DIP2B: variants seen among roughly 807,000 people sequenced by gnomAD.
DIP2B encodes disco-interacting protein 2 homolog B.
In DIP2B, 76 loss-of-function variants were observed where a neutral mutation model predicts 198.0. That is an observed-to-expected ratio of 0.38 (90% CI 0.32 to 0.46). The LOEUF (loss-of-function observed/expected upper bound fraction) is 0.46, where lower values mean the gene tolerates loss of function less well. Ranked by LOEUF, DIP2B falls within the 20% of genes least tolerant of loss-of-function variation. The probability of loss-of-function intolerance (pLI) is 0.99; values close to 1 mark genes in which losing one functional copy is unlikely to be tolerated. For missense variants in DIP2B, 1,559 were observed against 1,978.4 expected (o/e 0.79, Z 4.02); for synonymous variants, 701 against 739.1 (o/e 0.95, Z 0.84).
intron 1 of DIP2B, among the ~76,000 whole-genome samples, chr12:50,537,067 T>A (rs971499895): frequency 2.0e-4 from 30 of 149,896 alleles, no homozygotes; most frequent in African/African-American, 6.3e-4. Context: ...TTTTTTTTTT[T>A]AATTTTTTTG....
intron 4 of DIP2B, among the ~76,000 whole-genome samples, chr12:50,663,943 C>T (rs1938702072): frequency 6.6e-6 from 1 of 150,736 alleles, no homozygotes; most frequent in South Asian, 2.1e-4. Context: ...AGCCTAATAG[C>T]CTAATATTTT....
At chr12:50,619,131 T>G (rs548016138) in intron 1 of DIP2B, among the ~76,000 whole-genome samples, 1 of 152,294 alleles carries the variant, frequency 6.6e-6, no homozygotes, top group East Asian at 1.9e-4. Flanking sequence ...GCAGAAAGTT[T>G]ATGGCTGCAG....
intron 1 of DIP2B, among the ~76,000 whole-genome samples, chr12:50,592,476 TTTTC>T (rs1958828360): frequency 6.6e-6 from 1 of 152,010 alleles, no homozygotes; most frequent in African/African-American, 2.4e-5. Context: ...AGATTATTTA[TTTTC>T]TTTCTTCTTT....
intron 1 of DIP2B, among the ~76,000 whole-genome samples, chr12:50,623,527 A>ACG (rs1161585638): frequency 2.2e-4 from 28 of 128,530 alleles, no homozygotes; most frequent in Middle Eastern, 3.9e-3. Flanking sequence ...ACACACACAC[A>ACG]CGCACACACA....
At chr12:50,640,470 TG>T (rs1236998920) in intron 2 of DIP2B, among the ~76,000 whole-genome samples, 3 of 152,224 alleles carry the variant, frequency 2.0e-5, no homozygotes, top group Non-Finnish European at 2.9e-5. Flanking sequence ...GTCTCTGGAA[TG>T]GCCTTTTAAT....
At chr12:50,505,811 A>G (rs1957963525) in intron 1 of DIP2B, among the ~76,000 whole-genome samples, 2 of 152,126 alleles carry the variant, frequency 1.3e-5, no homozygotes. Flanking sequence ...CAATGGCATT[A>G]ACCCAGAGAG....
At position 50,726,807 on chromosome 12, in the gene DIP2B, C is replaced by T. The variant is rs80131778; in HGVS notation, c.3401-896C>T. ...TGAGTCACTGCACCCAGATAGATTA[C>T]TATTCTTAAAATTCTGCCAGGTTAG... On this transcript the variant is annotated intron_variant, in intron 28 of 37. Transcript: ENST00000301180. Among the ~76,000 whole-genome samples, 163 of 152,102 alleles carry T rather than the reference C, an allele frequency of 1.1e-3. 3 individuals carry two copies. In the East Asian group the frequency reaches 0.029, roughly 27 times the overall value.
rs972085813 is a variant in DIP2B at position 50,678,796 on chromosome 12, G to T, written c.1034G>T (p.Arg345Leu). Residue 345 changes from arginine (R) to leucine (L), a missense_variant, in exon 8 of 38, where the codon CGC (arginine) becomes CTC (leucine). Arg to Leu is a moderately radical substitution (Grantham distance 102, BLOSUM62 -2). Coordinates refer to ENST00000301180, the MANE Select transcript of DIP2B (RefSeq NM_173602.3). ...WPPALESALQ[R>L]WGTTQAKCSC... is the part of the protein sequence containing the mutation. ...CCTGCTCTTGAATCTGCCCTGCAGC[G>T]CTGGGGTACCACTCAAGCAAAATGC... is the stretch of plus-strand genomic sequence containing the variant. 6.2e-7 allele frequency: 1 copy of T among 1,614,180 alleles called. No individual in the cohort carries two copies. The highest frequency in any genetic ancestry group is 8.5e-7 in the Non-Finnish European group (1 of 1,180,030).
intron 14 of DIP2B, 99 bp from the exon 15 acceptor site, chr12:50,695,168 A>T: frequency 1.1e-6 from 1 of 891,976 alleles, no homozygotes; most frequent in Non-Finnish European, 1.8e-6. Flanking sequence ...TTTGAGTATT[A>T]CTTGTATAAT....
At chr12:50,701,987 G>A (rs1381785859) in intron 19 of DIP2B, among the ~76,000 whole-genome samples, 1 of 151,964 alleles carries the variant, frequency 6.6e-6, no homozygotes, top group African/African-American at 2.4e-5. Flanking sequence ...GATGAGGCTG[G>A]GAGCAGTTGC....
At chr12:50,663,827 T>G (rs188749629) in intron 4 of DIP2B, among the ~76,000 whole-genome samples, 1 of 128,852 alleles carries the variant, frequency 7.8e-6, no homozygotes, top group East Asian at 2.3e-4. Flanking sequence ...CCGAGATCAA[T>G]CAACCGTACT....
intron 1 of DIP2B, among the ~76,000 whole-genome samples, chr12:50,615,814 A>G (rs1338306050): frequency 6.6e-6 from 1 of 152,192 alleles, no homozygotes; most frequent in Non-Finnish European, 1.5e-5. Flanking sequence ...TCAAGAAGCA[A>G]GTAAAACAGC....
At chr12:50,617,534 G>A (rs1446082424) in intron 1 of DIP2B, among the ~76,000 whole-genome samples, 3 of 151,844 alleles carry the variant, frequency 2.0e-5, no homozygotes, top group African/African-American at 7.3e-5. Flanking sequence ...AGGGGTCAGG[G>A]GCAGTGGCTC....
rs373640660 is a variant in DIP2B, at chr12:50,705,236, AG to A, written c.2406+1017del. On this transcript the variant is annotated intron_variant, in intron 20 of 37. Transcript: ENST00000301180. ...GTCTTCTTTTCCACTTAACATCTTC[AG>A]TCATATAAGAGATCTAATTTTATTT... Among the ~76,000 whole-genome samples the A allele has an allele frequency of 1.8e-3, 268 of 152,302 alleles. 1 individual carries two copies. The highest frequency in any genetic ancestry group is 3.2e-3 in the Non-Finnish European group (221 of 68,024).
chr12:50,612,354 G>A (rs1394284056), intron 1 of DIP2B, among the ~76,000 whole-genome samples: 1 of 151,988 alleles, frequency 6.6e-6, no homozygotes, highest in African/African-American at 2.4e-5. Flanking sequence ...TTTCCTTTTG[G>A]AATCGTGTTA....
chr12:50,660,064 A>C, intron 3 of DIP2B, 130 bp from the exon 4 acceptor site: 1 of 982,040 alleles, frequency 1.0e-6, no homozygotes, highest in East Asian at 2.9e-5. Flanking sequence ...AATTATAAAT[A>C]AAAATCATCT....
Position 50,727,727 on chromosome 12 carries a change from C to T in DIP2B, c.3425C>T (p.Pro1142Leu). Reference sequence around the variant, plus strand: ...GATGATTTACCCAGGAAAAGGTTACCTCAGCTGTATAAACCGCCCACTCCT... The same window carrying T: ...GATGATTTACCCAGGAAAAGGTTACTTCAGCTGTATAAACCGCCCACTCCT... Reference protein sequence around the residue: ...DTDDLPRKRLPQLYKPPTPEM... With the variant: ...DTDDLPRKRLLQLYKPPTPEM... Residue 1142 changes from proline (P) to leucine (L), a missense_variant, in exon 29 of 38, where the codon CCT becomes CTT. Coordinates refer to ENST00000301180, the MANE Select transcript of DIP2B (RefSeq NM_173602.3). 6.2e-7 allele frequency: 1 copy of T among 1,614,130 alleles called. No homozygotes were observed.
intron 25 of DIP2B, among the ~76,000 whole-genome samples, 170 bp downstream of exon 25, chr12:50,719,205 A>T (rs1438643119): frequency 6.6e-6 from 1 of 152,144 alleles, no homozygotes; most frequent in African/African-American, 2.4e-5. Flanking sequence ...TCACTTTAAG[A>T]TTGGACTGAG....
chr12:50,695,762 A>G, intron 15 of DIP2B, 86 bp from the exon 16 acceptor site: 1 of 1,546,860 alleles, frequency 6.5e-7, no homozygotes, highest in Middle Eastern at 1.7e-4. Context: ...TGATTCCCCA[A>G]ATAAGTAAAA....
Sources: gnomAD v4.1 joint callset for allele counts (sites outside exome capture counted in the v4.1 genomes callset) on GRCh38, gnomAD v4.1.1 for gene constraint, MANE v1.5 for transcripts, NCBI Gene and HGNC (gene_info 2026-07-23, HGNC 2026-07-21) for gene names.